The following ZNF248 variants were observed in gnomAD, a reference collection of about 807,000 sequenced individuals.
ZNF248 encodes the protein zinc finger protein 248.
In ZNF248, 20 loss-of-function variants were observed where a neutral mutation model predicts 44.3. The observed-to-expected ratio is 0.45, with a 90% CI of 0.32 to 0.66. The LOEUF is 0.66. Among genes scored for constraint, ZNF248 ranks in the 30% least tolerant of loss-of-function variants. The pLI, the probability that ZNF248 is intolerant of heterozygous loss-of-function variation, is 0.04. For missense variants in ZNF248, 654 were observed against 677.0 expected, an observed-to-expected ratio of 0.97 and a Z score of 0.38; for synonymous variants, 224 against 229.0, an observed-to-expected ratio of 0.98 and a Z score of 0.20.
intron 4 of ZNF248, 73 bp from the exon 5 acceptor site, chr10:37,837,785 A>G: frequency 7.0e-7 from 1 of 1,429,952 alleles, no homozygotes; most frequent in Non-Finnish European, 9.7e-7. Context: ...ATCATGGGGA[A>G]GAAAGGCACA....
chr10:37,822,857 G>C (rs2053699740), intron 6 of ZNF248, among the ~76,000 whole-genome samples: 1 of 152,062 alleles, frequency 6.6e-6, no homozygotes, highest in Non-Finnish European at 1.5e-5. Flanking sequence ...GCAGCCCATG[G>C]GCCACAGGTT....
chr10:37,812,017 C>T (rs1006099401), intron 6 of ZNF248, among the ~76,000 whole-genome samples: 1 of 152,030 alleles, frequency 6.6e-6, no homozygotes, highest in Non-Finnish European at 1.5e-5. Flanking sequence ...AGGCAGATTG[C>T]TTGAGCCCAG....
At chr10:37,811,679 A>T (rs559062442) in intron 6 of ZNF248, among the ~76,000 whole-genome samples, 22 of 142,196 alleles carry the variant, frequency 1.5e-4, no homozygotes, top group African/African-American at 4.5e-4. Context: ...TACAAAAAAA[A>T]AAATATATAT....
At chr10:37,824,173 TTTCAA>T (rs2053972540), downstream of ZNF248, among the ~76,000 whole-genome samples, 1 of 152,098 alleles carries the variant, frequency 6.6e-6, no homozygotes, top group Admixed American at 6.6e-5. Flanking sequence ...AAAGCTAATG[TTTCAA>T]TTGAGTCTAA....
upstream of ZNF248, chr10:37,857,979 C>T (rs1317663056): frequency 6.6e-6 from 1 of 152,340 alleles, no homozygotes; most frequent in African/African-American, 2.4e-5. Context: ...GACCCCCTGG[C>T]CCTCGCCCAG....
At chr10:37,819,006 C>G (rs1438118230) in intron 6 of ZNF248, 3 of 910,284 alleles carry the variant, frequency 3.3e-6, no homozygotes, top group African/African-American at 1.6e-5. Flanking sequence ...CAATAAGTGC[C>G]AGCACCTTGT....
At chr10:37,836,947 TCAG>T (rs1274586094) in intron 5 of ZNF248, among the ~76,000 whole-genome samples, 2 of 149,760 alleles carry the variant, frequency 1.3e-5, no homozygotes, top group African/African-American at 5.1e-5. Context: ...TGAATACCTG[TCAG>T]CTAACAAAAG....
chr10:37,832,780 T>C lies in ZNF248; in HGVS notation c.575A>G (p.Tyr192Cys), dbSNP rs770033244. Residue 192 changes from tyrosine to cysteine, a missense_variant, in exon 6 of 6, where the codon TAT becomes TGT. By Grantham distance (194) the Tyr-to-Cys change is radical. Coordinates refer to ENST00000395867, the MANE Select transcript of ZNF248 (RefSeq NM_021045.3). ...ATTAATGGCATTCCTTTTTTGATCA[T>C]ATTTATAAGACTTCTCTCCAATAGG... ...KIPIGEKSYK[Y>C]DQKRNAINYH... The C allele has an allele frequency of 6.8e-6, 11 of 1,613,678 alleles. No individual in the cohort carries two copies. The African/African-American group carries it at 1.5e-4, about 22-fold the overall frequency.
chr10:37,793,388 TAAAC>T lies in ZNF248; in HGVS notation c.331-16817_331-16814del, dbSNP rs560217382. Among the ~76,000 whole-genome samples the T allele has an allele frequency of 9.7e-3, 1,483 of 152,166 alleles. 9 individuals are homozygous for T. Among genetic ancestry groups the T allele is most frequent in the Non-Finnish European group, 0.017 (1,133 of 67,998 alleles). ...TATTTCAATAAAGCAGATGGAAACATAAACAAACACAAATAACAATAAACACAGA... is the reference window on the plus strand; with the variant it reads ...TATTTCAATAAAGCAGATGGAAACATAAACACAAATAACAATAAACACAGA... On this transcript the variant is annotated intron_variant, in intron 6 of 6. Coordinates refer to the ZNF248 transcript ENST00000615949.
chr10:37,853,532 C>A (rs1360685385), intron 3 of ZNF248, among the ~76,000 whole-genome samples: 1 of 152,120 alleles, frequency 6.6e-6, no homozygotes, highest in East Asian at 1.9e-4. Context: ...CGCCTGCCAC[C>A]ATGCCCGGCT....
intron 5 of ZNF248, among the ~76,000 whole-genome samples, chr10:37,833,801 T>G (rs1401320732): frequency 6.6e-6 from 1 of 152,054 alleles, no homozygotes; most frequent in Non-Finnish European, 1.5e-5. Context: ...CAAGACATGA[T>G]AAACAGGAGA....
intron 6 of ZNF248, among the ~76,000 whole-genome samples, chr10:37,815,098 G>A (rs1020503906): frequency 4.6e-5 from 7 of 151,212 alleles, no homozygotes; most frequent in East Asian, 2.0e-4. Flanking sequence ...ATGGAGTCTC[G>A]TTCTGTACCC....
intron 6 of ZNF248, chr10:37,795,338 T>C (rs778681716): frequency 7.9e-5 from 12 of 152,268 alleles, no homozygotes; most frequent in Non-Finnish European, 1.6e-4. Context: ...CTGTATGTGC[T>C]GTTTGATATA....
At position 37,846,825 on chromosome 10, in the gene ZNF248, C is replaced by A. The variant is rs2059399383; in HGVS notation, c.16-8714G>T. Among the ~76,000 whole-genome samples, 7 of 152,162 alleles carry A rather than the reference C, an allele frequency of 4.6e-5. No homozygotes were observed. The South Asian group carries it at 1.5e-3, about 32-fold the overall frequency. ...CACGTTAAACATAACCACAGTGACA[C>A]AACAAGGAAAATCTTCAATAAATAC... On this transcript the variant is annotated intron_variant, in intron 3 of 5. Transcript: ENST00000395867.
At chr10:37,804,101 C>CTTTTTTT (rs59261731) in intron 6 of ZNF248, among the ~76,000 whole-genome samples, 405 of 124,638 alleles carry the variant, frequency 3.2e-3, no homozygotes, top group Non-Finnish European at 4.1e-3. Context: ...TTTTCTTTTT[C>CTTTTTTT]TTTTTTTTTT....
intron 3 of ZNF248, among the ~76,000 whole-genome samples, chr10:37,854,274 TAGGGAA>T (rs2060867557): frequency 6.6e-6 from 1 of 152,084 alleles, no homozygotes; most frequent in Non-Finnish European, 1.5e-5. Flanking sequence ...TATTTCTGCA[TAGGGAA>T]AAACACCATG....
At chr10:37,794,602 C>A (rs773561545) in intron 6 of ZNF248, 29 of 159,704 alleles carry the variant, frequency 1.8e-4, no homozygotes, top group Non-Finnish European at 3.3e-4. Context: ...AGTGTGTATT[C>A]TTTGTTGTCC....
chr10:37,806,334 A>G (rs2050561864), intron 6 of ZNF248, among the ~76,000 whole-genome samples: 1 of 152,208 alleles, frequency 6.6e-6, no homozygotes, highest in Non-Finnish European at 1.5e-5. Context: ...TCAACAATGC[A>G]CAAGAGTTTC....
At chr10:37,819,319 T>G (rs1289718272) in intron 6 of ZNF248, 10 of 1,055,678 alleles carry the variant, frequency 9.5e-6, no homozygotes, top group Non-Finnish European at 1.2e-5. Context: ...CAGTATCCAG[T>G]GAAAAGTAAT....
Sources: allele counts gnomAD v4.1 joint callset (sites outside exome capture counted in the v4.1 genomes callset), GRCh38; gene constraint gnomAD v4.1.1; transcripts MANE v1.5; gene names NCBI Gene and HGNC (gene_info 2026-07-23, HGNC 2026-07-21).